Variants in TRPC5 observed in about 807,000 individuals in gnomAD.
The protein encoded by TRPC5 is transient receptor potential cation channel subfamily C member 5.
In TRPC5, 9 loss-of-function variants were observed where a neutral mutation model predicts 56.5. The observed-to-expected ratio is 0.16, with a 90% CI of 0.10 to 0.28. The LOEUF (loss-of-function observed/expected upper bound fraction) is 0.28, where lower values mean the gene tolerates loss of function less well. Ranked by LOEUF, TRPC5 falls within the 10% of genes least tolerant of loss-of-function variation. TRPC5 has a pLI of 1.00. For synonymous variants in TRPC5, 282 were observed against 278.5 expected, an observed-to-expected ratio of 1.01 and a Z score of -0.13; for missense variants, 469 against 748.9, an observed-to-expected ratio of 0.63 and a Z score of 4.36.
rs1051211787 is a variant in TRPC5, at chrX:111,773,363, T to G, written c.*2950A>C. The stretch of plus-strand genomic sequence containing the variant: ...TTATTATTAGGGAGATTTTATGAGA[T>G]CAAATAAATGAATCCAAGGTGTCCG... On this transcript the variant is annotated 3_prime_UTR_variant, in exon 11 of 11. Coordinates refer to ENST00000262839, the MANE Select transcript of TRPC5 (RefSeq NM_012471.3). 1.8e-5 allele frequency among the ~76,000 whole-genome samples: 2 copies of G among 112,050 alleles called. No individual in the cohort carries two copies. Among genetic ancestry groups the G allele is most frequent in the Non-Finnish European group, 3.8e-5 (2 of 53,186 alleles).
At chrX:111,974,479 T>TG (rs1289068865) in intron 1 of TRPC5, among the ~76,000 whole-genome samples, 2 of 112,065 alleles carry the variant, frequency 1.8e-5, no homozygotes, top group African/African-American at 6.5e-5. Context: ...CTCTGGAAAT[T>TG]AACCAAACAC....
In TRPC5 at chrX:111,775,069, C is replaced by T. The variant is rs1249679783; in HGVS notation, c.*1244G>A. On this transcript the variant is annotated 3_prime_UTR_variant, in exon 11 of 11. Coordinates refer to ENST00000262839, the MANE Select transcript of TRPC5 (RefSeq NM_012471.3). Reference sequence around the variant, plus strand: ...TGTATTCTGATGAGGTACTCTTAAGCTGTGGAAAAGAATTTGTTTGGATGT... The same window carrying T: ...TGTATTCTGATGAGGTACTCTTAAGTTGTGGAAAAGAATTTGTTTGGATGT... 1 of 111,448 alleles carries T rather than the reference C, an allele frequency of 9.0e-6. No homozygotes were observed. The highest frequency in any genetic ancestry group is 3.3e-5 in the African/African-American group (1 of 30,648). The allele number at this position is 111,448 out of a possible 1,213,427, so 9.2% of individuals were successfully genotyped here.
At chrX:111,924,622 T>C (rs1452519048) in intron 2 of TRPC5, among the ~76,000 whole-genome samples, 1 of 112,615 alleles carries the variant, frequency 8.9e-6, no homozygotes, top group Non-Finnish European at 1.9e-5. Context: ...GCTTTGTTCA[T>C]ATGTAGCCAT....
At chrX:111,906,074 G>T (rs1925608662) in intron 3 of TRPC5, among the ~76,000 whole-genome samples, 1 of 110,820 alleles carries the variant, frequency 9.0e-6, no homozygotes, top group African/African-American at 3.3e-5. Context: ...TCATTAACAG[G>T]CCGGGCGCGG....
chrX:111,830,244 T>C (rs916253907), intron 7 of TRPC5, among the ~76,000 whole-genome samples: 2 of 112,556 alleles, frequency 1.8e-5, no homozygotes, highest in African/African-American at 3.2e-5. Context: ...ATTTACCCAA[T>C]GCCTGTACCC....
At chrX:111,913,338 A>C (rs899818782) in intron 2 of TRPC5, among the ~76,000 whole-genome samples, 1 of 111,637 alleles carries the variant, frequency 9.0e-6, no homozygotes, top group African/African-American at 3.3e-5. Context: ...TTATCTGCTC[A>C]GTTCCAAATG....
chrX:111,785,680 G>A (rs955801781), intron 7 of TRPC5, among the ~76,000 whole-genome samples: 1 of 111,472 alleles, frequency 9.0e-6, no homozygotes, highest in Admixed American at 9.5e-5. Context: ...AAGATTAGAC[G>A]AATGGCTAAC....
chrX:112,072,535 C>CTCATCA (rs750837960), intron 1 of TRPC5, among the ~76,000 whole-genome samples: 2 of 111,686 alleles, frequency 1.8e-5, no homozygotes, highest in Non-Finnish European at 3.8e-5. Context: ...CCAAACATAA[C>CTCATCA]TCATCATCCC....
At chrX:111,917,691 G>C (rs1194625446) in intron 2 of TRPC5, among the ~76,000 whole-genome samples, 2 of 112,218 alleles carry the variant, frequency 1.8e-5, no homozygotes, top group Non-Finnish European at 3.8e-5. Flanking sequence ...ACCAAGAGTG[G>C]ACAGGATCAG....
intron 3 of TRPC5, among the ~76,000 whole-genome samples, chrX:111,881,730 A>G (rs1924235530): frequency 9.1e-6 from 1 of 110,230 alleles, no homozygotes; most frequent in South Asian, 4.0e-4. Flanking sequence ...TAAACTGCCA[A>G]TTGCTCATTA....
intron 2 of TRPC5, among the ~76,000 whole-genome samples, chrX:111,950,266 A>C (rs189114055): frequency 2.8e-4 from 31 of 110,258 alleles, no homozygotes; most frequent in Admixed American, 4.8e-4. Flanking sequence ...TGGAGCTTGC[A>C]GTGAGCCGAG....
At chrX:111,969,905 A>T (rs953416721) in intron 1 of TRPC5, among the ~76,000 whole-genome samples, 1 of 110,974 alleles carries the variant, frequency 9.0e-6, no homozygotes, top group Non-Finnish European at 1.9e-5. Flanking sequence ...GGTGACTCCT[A>T]TGGCTGTGTC....
intron 1 of TRPC5, among the ~76,000 whole-genome samples, chrX:112,030,645 G>C (rs1007620018): frequency 6.2e-5 from 7 of 112,053 alleles, no homozygotes; most frequent in Non-Finnish European, 5.6e-5. Flanking sequence ...GATCTCTCCT[G>C]GAGGAATCTG....
chrX:111,962,459 G>A (rs181803534), intron 1 of TRPC5, among the ~76,000 whole-genome samples: 83 of 112,470 alleles, frequency 7.4e-4, no homozygotes, highest in Non-Finnish European at 1.4e-3. Context: ...GCCTGCAGAT[G>A]TGGTAAAACT....
chrX:111,873,813 TAAAA>T (rs1467639626), intron 3 of TRPC5, among the ~76,000 whole-genome samples: 10 of 108,291 alleles, frequency 9.2e-5, no homozygotes, highest in Admixed American at 8.8e-4. Flanking sequence ...AAATTTGAAA[TAAAA>T]AAGCAAAAAA....
At chrX:111,910,689 G>A (rs1925789819) in intron 3 of TRPC5, among the ~76,000 whole-genome samples, 1 of 111,005 alleles carries the variant, frequency 9.0e-6, no homozygotes, top group Non-Finnish European at 1.9e-5. Flanking sequence ...CTGCCACCAC[G>A]CCCAGCTAAT....
At chrX:111,834,879 C>A (rs773969096) in intron 7 of TRPC5, 42 bp downstream of exon 7, 2 of 1,111,606 alleles carry the variant, frequency 1.8e-6, no homozygotes, top group Non-Finnish European at 2.4e-6. Flanking sequence ...TTGCCCCAAC[C>A]TGAAACCAAA....
At chrX:111,777,317 A>C in intron 10 of TRPC5, among the ~76,000 whole-genome samples, 1 of 111,391 alleles carries the variant, frequency 9.0e-6, no homozygotes, top group Non-Finnish European at 1.9e-5. Flanking sequence ...TTATTAGATT[A>C]GGACACTGGC....
intron 6 of TRPC5, among the ~76,000 whole-genome samples, chrX:111,836,056 C>T (rs756929193): frequency 1.8e-5 from 2 of 111,610 alleles, no homozygotes; most frequent in East Asian, 2.8e-4. Flanking sequence ...TGCCCAAGGA[C>T]ACCTTACTAG....
Sources: allele counts gnomAD v4.1 joint callset (sites outside exome capture counted in the v4.1 genomes callset), GRCh38; gene constraint gnomAD v4.1.1; transcripts MANE v1.5; gene names NCBI Gene and HGNC (gene_info 2026-07-23, HGNC 2026-07-21).